The following CNOT10 variants were observed in gnomAD, a reference collection of about 807,000 sequenced individuals.
The protein encoded by CNOT10 is CCR4-NOT transcription complex, subunit 10.
CNOT10 carries 30 observed loss-of-function variants against 94.6 expected under a neutral mutation model. The ratio of observed to expected loss-of-function variants is 0.32; its 90% CI spans 0.24 to 0.43. CNOT10 has a LOEUF of 0.43. CNOT10 is among the 20% of genes least tolerant of loss of function. The pLI, the probability that CNOT10 is intolerant of heterozygous loss-of-function variation, is 1.00. For missense variants in CNOT10, 759 were observed against 877.2 expected (o/e 0.87, Z 1.70); for synonymous variants, 289 against 301.6 (o/e 0.96, Z 0.43).
intron 5 of CNOT10, 92 bp from the exon 6 acceptor site, chr3:32,716,133 A>C (rs1256887922): frequency 1.6e-6 from 1 of 630,048 alleles, no homozygotes; most frequent in Non-Finnish European, 2.7e-6. Flanking sequence ...AATGCTCTCT[A>C]GGTAATTTAG....
Position 32,734,784 on chromosome 3 carries a change from G to T in CNOT10, c.1338-16G>T. On this transcript the variant is annotated splice_polypyrimidine_tract_variant and intron_variant, in intron 11 of 18. Transcript: ENST00000328834. ...ATATTTTATCCACTTAGCTAATTTG[G>T]TTTTGTTCTTTTAAGTGATGGGCAG... The T allele has an allele frequency of 6.5e-7, 1 of 1,548,744 alleles. No individual in the cohort carries two copies. The highest frequency in any genetic ancestry group is 8.8e-7 in the Non-Finnish European group (1 of 1,142,334).
intron 13 of CNOT10, among the ~76,000 whole-genome samples, chr3:32,750,659 C>A (rs1699924948): frequency 6.6e-6 from 1 of 151,790 alleles, no homozygotes; most frequent in Non-Finnish European, 1.5e-5. Flanking sequence ...TCAAGCGATT[C>A]TCCTGTCTCA....
At chr3:32,706,895 C>A (rs529006367) in intron 3 of CNOT10, among the ~76,000 whole-genome samples, 4 of 152,194 alleles carry the variant, frequency 2.6e-5, no homozygotes, top group Non-Finnish European at 5.9e-5. Flanking sequence ...TCAGCTAGGA[C>A]CACTTGCTAA....
chr3:32,693,829 AC>A (rs1191394476), intron 1 of CNOT10, among the ~76,000 whole-genome samples: 2 of 152,208 alleles, frequency 1.3e-5, no homozygotes, highest in Non-Finnish European at 2.9e-5. Context: ...GGTGTGAGCC[AC>A]CATGCCCGGC....
At chr3:32,691,438 A>G (rs1413546673) in intron 1 of CNOT10, among the ~76,000 whole-genome samples, 1 of 151,868 alleles carries the variant, frequency 6.6e-6, no homozygotes, top group Non-Finnish European at 1.5e-5. Flanking sequence ...TGGGATTAAC[A>G]GACGTGAGCC....
intron 1 of CNOT10, among the ~76,000 whole-genome samples, chr3:32,689,387 T>C (rs1244411418): frequency 1.4e-5 from 2 of 146,800 alleles, no homozygotes; most frequent in South Asian, 2.1e-4. Context: ...AAAAAAAGAA[T>C]AGAGGATGAC....
intron 13 of CNOT10, among the ~76,000 whole-genome samples, chr3:32,739,070 A>G (rs1699330723): frequency 6.6e-6 from 1 of 151,728 alleles, no homozygotes; most frequent in Non-Finnish European, 1.5e-5. Context: ...ACGCCTGGCT[A>G]AATTTTTGTG....
intron 13 of CNOT10, among the ~76,000 whole-genome samples, chr3:32,754,726 TAGTC>T (rs1319016534): frequency 4.0e-5 from 6 of 148,232 alleles, no homozygotes; most frequent in South Asian, 2.2e-4. Flanking sequence ...TTCGCCATGT[TAGTC>T]AGGCTGGTCT....
chr3:32,686,331 AT>A (rs1406862060), intron 1 of CNOT10, among the ~76,000 whole-genome samples: 2 of 152,216 alleles, frequency 1.3e-5, no homozygotes, highest in East Asian at 3.8e-4. Context: ...GGAACTTAAA[AT>A]TTTTACAGTG....
chr3:32,711,845 C>T (rs1347450645), intron 4 of CNOT10, among the ~76,000 whole-genome samples: 1 of 152,128 alleles, frequency 6.6e-6, no homozygotes, highest in Admixed American at 6.6e-5. Context: ...GAGGTAAAGC[C>T]TAGGGCAGGG....
chr3:32,757,414 G>T (rs1700271815), intron 13 of CNOT10, among the ~76,000 whole-genome samples: 1 of 151,868 alleles, frequency 6.6e-6, no homozygotes, highest in Admixed American at 6.6e-5. Context: ...CCCAACCTCA[G>T]GTGATCAGCC....
chr3:32,706,815 T>C (rs1697645546), intron 3 of CNOT10, among the ~76,000 whole-genome samples: 1 of 152,246 alleles, frequency 6.6e-6, no homozygotes, highest in Admixed American at 6.5e-5. Context: ...GTTTTTAATC[T>C]CTTTAAGATA....
intron 1 of CNOT10, 91 bp downstream of exon 1, chr3:32,685,573 A>G (rs900077149): frequency 1.4e-6 from 2 of 1,392,368 alleles, no homozygotes; most frequent in Non-Finnish European, 9.9e-7. Flanking sequence ...CGGGGTGGGG[A>G]CTCCAGGGCG....
At chr3:32,759,174 C>T (rs77314007) in intron 13 of CNOT10, among the ~76,000 whole-genome samples, 4,431 of 145,120 alleles carry the variant, frequency 0.031, 80 homozygotes, top group African/African-American at 0.054. Flanking sequence ...TACATATATA[C>T]ATACATACAT....
chr3:32,753,456 G>C, intron 13 of CNOT10: 1 of 1,545,838 alleles, frequency 6.5e-7, no homozygotes, highest in Non-Finnish European at 8.9e-7. Context: ...CTTCTGGAGA[G>C]GATTACAATT....
At chr3:32,739,926 G>A (rs1206475573) in intron 13 of CNOT10, among the ~76,000 whole-genome samples, 4 of 151,900 alleles carry the variant, frequency 2.6e-5, no homozygotes, top group East Asian at 3.9e-4. Context: ...ACTCCGTCTC[G>A]AAAGAAAAAA....
chr3:32,685,219 T>A lies in CNOT10; in HGVS notation c.-242T>A, dbSNP rs1696543714. The A allele has an allele frequency of 2.3e-6, 1 of 439,444 alleles. No homozygotes were observed. The highest frequency in any genetic ancestry group is 2.1e-5 in the African/African-American group (1 of 48,130). 27.2% of individuals were successfully genotyped at this position (439,444 alleles called of 1,614,324 possible). A position where few individuals can be genotyped will look rare whatever the true frequency, so the allele number is the denominator to read the frequency against. On this transcript the variant is annotated 5_prime_UTR_variant, in exon 1 of 19. Coordinates refer to ENST00000328834, the MANE Select transcript of CNOT10 (RefSeq NM_015442.3). ...TACCGGGACGCCGTGAGGCGGAAGCTGTGTATGGCGGGAGGCTGTGGCGGT... is the reference window on the plus strand; with the variant it reads ...TACCGGGACGCCGTGAGGCGGAAGCAGTGTATGGCGGGAGGCTGTGGCGGT...
intron 13 of CNOT10, among the ~76,000 whole-genome samples, chr3:32,749,849 G>T (rs967177561): frequency 2.6e-5 from 4 of 152,032 alleles, no homozygotes; most frequent in African/African-American, 7.2e-5. Flanking sequence ...TAAAGAACTT[G>T]TGTAACCAAA....
intron 18 of CNOT10, among the ~76,000 whole-genome samples, chr3:32,772,253 G>T (rs1231579094): frequency 6.6e-6 from 1 of 152,206 alleles, no homozygotes; most frequent in African/African-American, 2.4e-5. Context: ...AGCAGGCTGA[G>T]GCAGGAGAAT....
Sources: allele counts gnomAD v4.1 joint callset (sites outside exome capture counted in the v4.1 genomes callset), GRCh38; gene constraint gnomAD v4.1.1; transcripts MANE v1.5; gene names NCBI Gene and HGNC (gene_info 2026-07-23, HGNC 2026-07-21).